The following PHF20 variants were observed in gnomAD, a reference collection of about 807,000 sequenced individuals.
PHF20 encodes PHD finger protein 20, also known as glioma-expressed antigen 2.
Under a neutral mutation model 113.5 loss-of-function variants are expected in PHF20, and 23 were observed. That is an observed-to-expected ratio of 0.20 (90% CI 0.15 to 0.29). The LOEUF (loss-of-function observed/expected upper bound fraction) is 0.29. Ranked by LOEUF, PHF20 falls within the 10% of genes least tolerant of loss-of-function variation. The pLI is 1.00. For synonymous variants in PHF20, 434 were observed against 457.3 expected, an observed-to-expected ratio of 0.95 and a Z score of 0.65; for missense variants, 943 against 1,219.6, an observed-to-expected ratio of 0.77 and a Z score of 3.38.
At chr20:35,840,788 T>C (rs145263441) in intron 2 of PHF20, among the ~76,000 whole-genome samples, 1 of 152,222 alleles carries the variant, frequency 6.6e-6, no homozygotes, top group East Asian at 1.9e-4. Context: ...TGATAGGCCT[T>C]GTACTGGACC....
intron 2 of PHF20, among the ~76,000 whole-genome samples, chr20:35,823,934 G>A (rs916001207): frequency 7.2e-5 from 11 of 152,198 alleles, no homozygotes; most frequent in Admixed American, 4.6e-4. Flanking sequence ...GAACCAAGTA[G>A]TAAGTATTCC....
At chr20:35,879,810 C>T (rs1435119001) in intron 9 of PHF20, among the ~76,000 whole-genome samples, 1 of 138,276 alleles carries the variant, frequency 7.2e-6, no homozygotes, top group Admixed American at 7.2e-5. Flanking sequence ...CCCTCCAAAA[C>T]AAAACAGAAT....
At chr20:35,851,830 G>A (rs535920127) in intron 4 of PHF20, among the ~76,000 whole-genome samples, 8 of 151,902 alleles carry the variant, frequency 5.3e-5, no homozygotes, top group East Asian at 3.9e-4. Context: ...CAGAAGAATC[G>A]CTTGAACTCA....
chr20:35,813,675 T>C (rs1480450927), intron 2 of PHF20, among the ~76,000 whole-genome samples: 1 of 152,048 alleles, frequency 6.6e-6, no homozygotes, highest in Non-Finnish European at 1.5e-5. Context: ...CTGGTCAACA[T>C]AGTGAAACCC....
intron 12 of PHF20, chr20:35,917,155 A>G: frequency 2.5e-6 from 1 of 403,532 alleles, no homozygotes; most frequent in East Asian, 6.5e-5. Flanking sequence ...AACATGTTAG[A>G]GTTGTCAGGG....
chr20:35,861,050 C>T (rs949972054), intron 5 of PHF20, among the ~76,000 whole-genome samples: 3 of 152,044 alleles, frequency 2.0e-5, no homozygotes, highest in African/African-American at 7.2e-5. Context: ...GCCCAAGGCT[C>T]CTGGACTTGG....
chr20:35,814,680 C>T (rs1411748974), intron 2 of PHF20, among the ~76,000 whole-genome samples: 6 of 146,246 alleles, frequency 4.1e-5, no homozygotes, highest in East Asian at 4.2e-4. Flanking sequence ...GAGACCATCC[C>T]GGCTAAAACG....
At chr20:35,870,222 T>C (rs1368688380) in intron 7 of PHF20, among the ~76,000 whole-genome samples, 1 of 146,326 alleles carries the variant, frequency 6.8e-6, no homozygotes, top group Non-Finnish European at 1.5e-5. Flanking sequence ...AAGAATGGCA[T>C]GAACCCGGGA....
chr20:35,928,112 A>G (rs2147108899), intron 14 of PHF20, among the ~76,000 whole-genome samples: 1 of 152,316 alleles, frequency 6.6e-6, no homozygotes, highest in East Asian at 1.9e-4. Context: ...GCCTTGAGCT[A>G]GAACTTTTCC....
At chr20:35,826,269 CTT>C (rs779343945) in intron 2 of PHF20, among the ~76,000 whole-genome samples, 30 of 152,158 alleles carry the variant, frequency 2.0e-4, no homozygotes, top group Non-Finnish European at 3.5e-4. Context: ...GGCTCGAACT[CTT>C]GACCCCAGGT....
At chr20:35,793,902 G>C (rs1600738443) in intron 1 of PHF20, among the ~76,000 whole-genome samples, 1 of 150,162 alleles carries the variant, frequency 6.7e-6, no homozygotes, top group African/African-American at 2.5e-5. Context: ...GGAGGGTGAG[G>C]CAGGAGATGC....
At chr20:35,896,432 G>A (rs1334948508) in intron 9 of PHF20, among the ~76,000 whole-genome samples, 5 of 152,056 alleles carry the variant, frequency 3.3e-5, no homozygotes, top group Admixed American at 2.6e-4. Context: ...CAAATCTGTA[G>A]CATAGGAATG....
At chr20:35,772,656 C>T (rs998853923) in intron 1 of PHF20, among the ~76,000 whole-genome samples, 5 of 146,788 alleles carry the variant, frequency 3.4e-5, no homozygotes, top group African/African-American at 5.1e-5. Context: ...TAAAAGCCCT[C>T]CCCCCCCCAA....
In PHF20 at chr20:35,871,739, G is replaced by A. The variant is rs1568683359; in HGVS notation, c.1192G>A (p.Glu398Lys). ...FGDGSGAAGL[E>K]LNCPSMGENT... ...GGATGGATCCGGGGCTGCAGGCTTGGAGTTGAACTGCCCATCAATGGGAGA... is the reference window on the plus strand; with the variant it reads ...GGATGGATCCGGGGCTGCAGGCTTGAAGTTGAACTGCCCATCAATGGGAGA... Residue 398 changes from glutamate (E) to lysine (K), a missense_variant, in exon 9 of 18, where the codon GAG becomes AAG. This residue lies in a region of PHF20 where 592 missense variants were observed against 787.2 expected (regional missense o/e 0.75). Transcript: ENST00000374012. The A allele has an allele frequency of 1.9e-6, 3 of 1,613,874 alleles. No individual in the cohort carries two copies. Among genetic ancestry groups the A allele is most frequent in the Admixed American group, 1.7e-5 (1 of 59,992 alleles).
intron 10 of PHF20, among the ~76,000 whole-genome samples, chr20:35,911,294 G>A (rs2055298617): frequency 6.6e-6 from 1 of 152,090 alleles, no homozygotes; most frequent in African/African-American, 2.4e-5. Flanking sequence ...CGCCCGCCTT[G>A]GCCTCCCAAA....
intron 9 of PHF20, among the ~76,000 whole-genome samples, chr20:35,891,805 A>T (rs1459449398): frequency 6.6e-5 from 10 of 152,090 alleles, no homozygotes; most frequent in Admixed American, 6.6e-4. Context: ...CGAGAAAGGG[A>T]CGATTGCTTA....
chr20:35,901,512 G>C (rs1236276901), intron 10 of PHF20, among the ~76,000 whole-genome samples: 1 of 152,016 alleles, frequency 6.6e-6, no homozygotes, highest in Non-Finnish European at 1.5e-5. Flanking sequence ...CAAGATAAAG[G>C]ATTGGGCTTT....
Position 35,914,249 on chromosome 20 carries a change from C to A in PHF20, c.1825+52C>A, listed in dbSNP as rs2055360616. 6 of 1,554,604 alleles carry A rather than the reference C, an allele frequency of 3.9e-6. No homozygotes were observed. In the East Asian group the frequency reaches 9.0e-5, roughly 23 times the overall value. On this transcript the variant is annotated intron_variant, in intron 12 of 17. Coordinates refer to ENST00000374012, the MANE Select transcript of PHF20 (RefSeq NM_016436.5). Reference sequence around the variant, plus strand: ...TTTGCTGATCATTTATTGGAAAATACAAGCATACCTGGGAGATATTATGGG... The same window carrying A: ...TTTGCTGATCATTTATTGGAAAATAAAAGCATACCTGGGAGATATTATGGG...
chr20:35,777,249 A>G (rs1486253354), intron 1 of PHF20, among the ~76,000 whole-genome samples: 1 of 152,202 alleles, frequency 6.6e-6, no homozygotes, highest in Non-Finnish European at 1.5e-5. Context: ...GTATACTTAA[A>G]AAGGGACTTC....
Sources: allele counts gnomAD v4.1 joint callset (sites outside exome capture counted in the v4.1 genomes callset), GRCh38; gene constraint gnomAD v4.1.1; regional missense constraint gnomAD v4.1.1; transcripts MANE v1.5; gene names NCBI Gene and HGNC (gene_info 2026-07-23, HGNC 2026-07-21).